The following TEAD1 variants were observed in gnomAD, a reference collection of about 807,000 sequenced individuals.
TEAD1 encodes the protein TEA domain transcription factor 1, also known as transcriptional enhancer factor TEF-1.
In TEAD1, 9 loss-of-function variants were observed where a neutral mutation model predicts 54.9. That is an observed-to-expected ratio of 0.16 (90% CI 0.10 to 0.29). The LOEUF (loss-of-function observed/expected upper bound fraction) is 0.29. Ranked by LOEUF, TEAD1 falls within the 10% of genes least tolerant of loss-of-function variation. The pLI is 1.00. For synonymous variants in TEAD1, 200 were observed against 187.8 expected, an observed-to-expected ratio of 1.07 and a Z score of -0.53; for missense variants, 387 against 535.9, an observed-to-expected ratio of 0.72 and a Z score of 2.74.
At chr11:12,844,031 A>C (rs1947091690) in intron 3 of TEAD1, among the ~76,000 whole-genome samples, 1 of 152,228 alleles carries the variant, frequency 6.6e-6, no homozygotes, top group Admixed American at 6.5e-5. Context: ...AAATTATTCA[A>C]GTTATTTTCT....
intron 2 of TEAD1, among the ~76,000 whole-genome samples, chr11:12,732,734 G>A (rs1944448505): frequency 6.6e-6 from 1 of 152,196 alleles, no homozygotes; most frequent in South Asian, 2.1e-4. Context: ...AGTCAGAGTT[G>A]GGACTAGGGG....
At chr11:12,730,568 G>A (rs1478549077) in intron 2 of TEAD1, among the ~76,000 whole-genome samples, 3 of 151,766 alleles carry the variant, frequency 2.0e-5, no homozygotes, top group Non-Finnish European at 4.4e-5. Context: ...AGCAGCGATG[G>A]CTCAAGCAGT....
At chr11:12,892,752 G>A (rs1055279734) in intron 9 of TEAD1, among the ~76,000 whole-genome samples, 2 of 152,162 alleles carry the variant, frequency 1.3e-5, no homozygotes, top group African/African-American at 4.8e-5. Context: ...GAAGGGCACC[G>A]GTGTCTCTGG....
At chr11:12,684,739 G>C (rs895603258) in intron 2 of TEAD1, among the ~76,000 whole-genome samples, 1 of 152,142 alleles carries the variant, frequency 6.6e-6, no homozygotes, top group Non-Finnish European at 1.5e-5. Context: ...TAAAACCTAG[G>C]CCATTTGTTT....
chr11:12,880,905 G>T, intron 6 of TEAD1, 100 bp from the exon 7 acceptor site: 1 of 1,335,796 alleles, frequency 7.5e-7, no homozygotes, highest in South Asian at 1.2e-5. Flanking sequence ...TTGGGTGATC[G>T]AACCTGCTGT....
chr11:12,878,934 T>G, intron 5 of TEAD1: 1 of 1,283,366 alleles, frequency 7.8e-7, no homozygotes, highest in Non-Finnish European at 1.0e-6. Flanking sequence ...TATTCTGTAT[T>G]TTAGCTGTGC....
At chr11:12,905,184 A>G (rs1948497425) in intron 10 of TEAD1, among the ~76,000 whole-genome samples, 1 of 152,238 alleles carries the variant, frequency 6.6e-6, no homozygotes, top group African/African-American at 2.4e-5. Context: ...GAGTGCGCTT[A>G]GAAAGTCTTT....
intron 4 of TEAD1, 191 bp from the exon 5 acceptor site, chr11:12,864,647 G>GTTTTGTTTTGTTTT: frequency 7.3e-7 from 1 of 1,366,322 alleles, no homozygotes. Context: ...GTTTTGTTTT[G>GTTTTGTTTTGTTTT]TTTTGTTTTG....
At chr11:12,689,178 C>T (rs907311234) in intron 2 of TEAD1, among the ~76,000 whole-genome samples, 7 of 152,146 alleles carry the variant, frequency 4.6e-5, no homozygotes, top group African/African-American at 1.7e-4. Context: ...CTGCTCTTAT[C>T]ACTTTAAGAT....
chr11:12,908,883 G>GGTTTTTTTTTTTTTTTTTTTTTTT (rs1554948598), intron 10 of TEAD1, among the ~76,000 whole-genome samples: 1 of 99,662 alleles, frequency 1.0e-5, no homozygotes, highest in Non-Finnish European at 2.3e-5. Context: ...CAAATTATCT[G>GGTTTTTTTTTTTTTTTTTTTTTTT]TTTTTTTTTT....
At chr11:12,733,049 G>A (rs1944455627) in intron 2 of TEAD1, among the ~76,000 whole-genome samples, 1 of 152,162 alleles carries the variant, frequency 6.6e-6, no homozygotes, top group South Asian at 2.1e-4. Flanking sequence ...GAAGGCAGCA[G>A]CATAGCACCT....
intron 5 of TEAD1, among the ~76,000 whole-genome samples, chr11:12,877,516 G>A (rs866208858): frequency 2.0e-5 from 3 of 152,044 alleles, no homozygotes; most frequent in Admixed American, 6.6e-5. Context: ...AAAATTAGCC[G>A]GGCATGGTGG....
chr11:12,902,884 C>T (rs1948449510), intron 10 of TEAD1, among the ~76,000 whole-genome samples: 1 of 152,026 alleles, frequency 6.6e-6, no homozygotes, highest in South Asian at 2.1e-4. Context: ...ACCACTGGGC[C>T]AGCTCCTTCT....
At chr11:12,858,955 C>G (rs1309842035) in intron 3 of TEAD1, among the ~76,000 whole-genome samples, 1 of 152,162 alleles carries the variant, frequency 6.6e-6, no homozygotes, top group Non-Finnish European at 1.5e-5. Context: ...TACTGTAGGC[C>G]ATTGTAACAC....
intron 3 of TEAD1, among the ~76,000 whole-genome samples, chr11:12,770,512 C>G (rs1226314833): frequency 6.6e-6 from 1 of 152,128 alleles, no homozygotes; most frequent in Non-Finnish European, 1.5e-5. Context: ...AAAAAGCTGA[C>G]CTGTGTGAGC....
intron 2 of TEAD1, among the ~76,000 whole-genome samples, chr11:12,696,693 A>G (rs1397023908): frequency 1.3e-5 from 2 of 152,074 alleles, no homozygotes; most frequent in Non-Finnish European, 2.9e-5. Context: ...ATTGAAACCA[A>G]ATGGTGTTTG....
intron 2 of TEAD1, among the ~76,000 whole-genome samples, chr11:12,711,451 T>G (rs1008638248): frequency 3.3e-5 from 5 of 152,194 alleles, no homozygotes; most frequent in African/African-American, 1.2e-4. Flanking sequence ...CAGTTCAGCA[T>G]CTCCCTGTTG....
intron 2 of TEAD1, among the ~76,000 whole-genome samples, chr11:12,716,264 C>T (rs1944060041): frequency 6.6e-6 from 1 of 152,076 alleles, no homozygotes; most frequent in African/African-American, 2.4e-5. Flanking sequence ...CCCAATCCAG[C>T]CTCATCTGTC....
intron 3 of TEAD1, among the ~76,000 whole-genome samples, chr11:12,798,682 A>G (rs1328333042): frequency 1.3e-5 from 2 of 152,266 alleles, no homozygotes; most frequent in Non-Finnish European, 2.9e-5. Flanking sequence ...ATTACCAATG[A>G]AGAAAACACC....
Sources: allele counts gnomAD v4.1 joint callset (sites outside exome capture counted in the v4.1 genomes callset), GRCh38; gene constraint gnomAD v4.1.1; transcripts MANE v1.5; gene names NCBI Gene and HGNC (gene_info 2026-07-23, HGNC 2026-07-21).